Variants in TANGO6 observed in about 807,000 individuals in gnomAD.
TANGO6 encodes transport and Golgi organization protein 6 homolog.
Under a neutral mutation model 114.2 loss-of-function variants are expected in TANGO6, and 90 were observed. The observed-to-expected ratio is 0.79, with a 90% confidence interval of 0.66 to 0.94. The LOEUF (loss-of-function observed/expected upper bound fraction) is 0.94, where lower values mean the gene tolerates loss of function less well. TANGO6 is among the 40% of genes least tolerant of loss of function. The pLI is 0.00. For missense variants in TANGO6, 1,274 were observed against 1,315.3 expected, an observed-to-expected ratio of 0.97 and a Z score of 0.49; for synonymous variants, 477 against 509.8, an observed-to-expected ratio of 0.94 and a Z score of 0.87.
intron 17 of TANGO6, among the ~76,000 whole-genome samples, chr16:69,049,896 G>A (rs916237434): frequency 6.6e-6 from 1 of 152,050 alleles, no homozygotes; most frequent in Admixed American, 6.6e-5. Flanking sequence ...CATCCATGGT[G>A]TAGCATATAT....
intron 7 of TANGO6, among the ~76,000 whole-genome samples, chr16:68,883,230 G>A (rs965954731): frequency 6.6e-6 from 1 of 152,032 alleles, no homozygotes; most frequent in Non-Finnish European, 1.5e-5. Context: ...AAAATAAAGT[G>A]TACAGGCATG....
At chr16:68,857,424 C>G (rs1433445967) in intron 1 of TANGO6, among the ~76,000 whole-genome samples, 1 of 151,622 alleles carries the variant, frequency 6.6e-6, no homozygotes, top group Admixed American at 6.6e-5. Flanking sequence ...AATCCTTTCA[C>G]CTTTTGAAGA....
chr16:68,857,850 A>C (rs907767789), intron 1 of TANGO6, among the ~76,000 whole-genome samples: 4 of 152,180 alleles, frequency 2.6e-5, no homozygotes, highest in Non-Finnish European at 4.4e-5. Flanking sequence ...AGGATTATTA[A>C]GTTTAGATTA....
At chr16:68,861,168 T>G (rs1962086650) in intron 2 of TANGO6, among the ~76,000 whole-genome samples, 1 of 152,118 alleles carries the variant, frequency 6.6e-6, no homozygotes, top group South Asian at 2.1e-4. Context: ...AGATAAGACT[T>G]ACAGGGATGA....
At chr16:68,942,229 G>A (rs1307028975) in intron 14 of TANGO6, among the ~76,000 whole-genome samples, 1 of 151,914 alleles carries the variant, frequency 6.6e-6, no homozygotes. Flanking sequence ...AGCTGAGGCA[G>A]GAGAATCTCT....
intron 15 of TANGO6, among the ~76,000 whole-genome samples, chr16:69,017,042 A>C (rs1959312334): frequency 6.6e-6 from 1 of 152,234 alleles, no homozygotes; most frequent in Non-Finnish European, 1.5e-5. Context: ...GTAAACGAAG[A>C]CTGAATAATA....
At chr16:69,042,546 C>T (rs1463467329) in intron 17 of TANGO6, among the ~76,000 whole-genome samples, 1 of 151,808 alleles carries the variant, frequency 6.6e-6, no homozygotes, top group Non-Finnish European at 1.5e-5. Flanking sequence ...GTCTCCTTCT[C>T]AAAAAACAAA....
chr16:68,850,134 C>T (rs1156530105), intron 1 of TANGO6, among the ~76,000 whole-genome samples: 5 of 151,800 alleles, frequency 3.3e-5, no homozygotes, highest in Admixed American at 2.0e-4. Flanking sequence ...CCACCAAGCC[C>T]GGCTAATTTT....
At chr16:68,888,527 G>A (rs566819043) in intron 7 of TANGO6, among the ~76,000 whole-genome samples, 29 of 152,290 alleles carry the variant, frequency 1.9e-4, no homozygotes, top group African/African-American at 6.7e-4. Flanking sequence ...AGAAATGTTA[G>A]GGTAGGAAAA....
At chr16:68,996,121 G>A (rs1028722219) in intron 15 of TANGO6, among the ~76,000 whole-genome samples, 1 of 152,168 alleles carries the variant, frequency 6.6e-6, no homozygotes, top group Admixed American at 6.5e-5. Flanking sequence ...GAGGGAAACT[G>A]AAGTCAGAAC....
intron 14 of TANGO6, among the ~76,000 whole-genome samples, chr16:68,948,037 A>C (rs1458190365): frequency 6.6e-6 from 1 of 151,980 alleles, no homozygotes; most frequent in Non-Finnish European, 1.5e-5. Context: ...ATATATATAT[A>C]TATATGATGC....
At chr16:68,859,189 G>A (rs1962047603) in intron 1 of TANGO6, among the ~76,000 whole-genome samples, 1 of 151,940 alleles carries the variant, frequency 6.6e-6, no homozygotes, top group Non-Finnish European at 1.5e-5. Flanking sequence ...TTTTGTTTTT[G>A]AGACTGGGTC....
rs1007912473 is a variant in TANGO6, at chr16:68,924,373, G to A, written c.2128-3195G>A. Among the ~76,000 whole-genome samples, 4 of 152,238 alleles carry A rather than the reference G, an allele frequency of 2.6e-5. No homozygotes were observed. The East Asian group carries it at 5.8e-4, about 22-fold the overall frequency. ...AGGTCAGGAGTTCCAGACCAGATCA[G>A]CTACTCGGGAGGCTGAGGCAGGAGA... On this transcript the variant is annotated intron_variant, in intron 12 of 17. Transcript: ENST00000261778.
Position 68,859,880 on chromosome 16 carries a change from A to T in TANGO6, c.95-4A>T. On this transcript the variant is annotated splice_polypyrimidine_tract_variant and splice_region_variant and intron_variant, in intron 1 of 17. Coordinates refer to ENST00000261778, the MANE Select transcript of TANGO6 (RefSeq NM_024562.2). ...TAAACTCTCCTTTTTTTCTTCTTCAAAAGGCTCGGGCTCAAGTTCACTACA... is the reference window on the plus strand; with the variant it reads ...TAAACTCTCCTTTTTTTCTTCTTCATAAGGCTCGGGCTCAAGTTCACTACA... The T allele has an allele frequency of 6.5e-7, 1 of 1,545,826 alleles. No homozygotes were observed. The highest frequency in any genetic ancestry group is 2.1e-5 in the Admixed American group (1 of 47,568).
chr16:68,934,511 C>T (rs529866881), intron 14 of TANGO6, among the ~76,000 whole-genome samples: 10 of 152,164 alleles, frequency 6.6e-5, no homozygotes, highest in Admixed American at 6.5e-4. Flanking sequence ...GAAAGCTCTA[C>T]GAGTAACGGG....
chr16:68,894,306 T>TGTAA (rs2152178011), intron 7 of TANGO6, among the ~76,000 whole-genome samples: 1 of 151,224 alleles, frequency 6.6e-6, no homozygotes, highest in East Asian at 1.9e-4. Flanking sequence ...AAATAGGGAG[T>TGTAA]GTAAATGTTG....
intron 15 of TANGO6, among the ~76,000 whole-genome samples, chr16:69,014,895 C>CAAA (rs201424773): frequency 1.0e-5 from 1 of 97,262 alleles, no homozygotes; most frequent in Non-Finnish European, 2.2e-5. Context: ...GACCTTGTCT[C>CAAA]AAAAAAAAAA....
At chr16:69,014,749 G>T (rs746797396) in intron 15 of TANGO6, among the ~76,000 whole-genome samples, 1 of 151,888 alleles carries the variant, frequency 6.6e-6, no homozygotes, top group African/African-American at 2.4e-5. Flanking sequence ...ATTGTAACCA[G>T]CTGGGCATGG....
chr16:68,966,770 ATTTTTTT>A (rs772432410), intron 14 of TANGO6, among the ~76,000 whole-genome samples: 1 of 129,092 alleles, frequency 7.7e-6, no homozygotes, highest in Non-Finnish European at 1.6e-5. Flanking sequence ...TGTCTGGCTA[ATTTTTTT>A]TTTTTTTTTT....
Sources: gnomAD v4.1 joint callset for allele counts (sites outside exome capture counted in the v4.1 genomes callset) on GRCh38, gnomAD v4.1.1 for gene constraint, MANE v1.5 for transcripts, NCBI Gene and HGNC (gene_info 2026-07-23, HGNC 2026-07-21) for gene names.